The following COL6A5 variants were observed in gnomAD, a reference collection of about 807,000 sequenced individuals.
COL6A5 encodes collagen type VI alpha 5 chain, also known as collagen alpha-5(VI) chain.
A neutral mutation model predicts 65.6 loss-of-function variants in COL6A5; 48 were observed. That is an observed-to-expected ratio of 0.73 (90% CI 0.58 to 0.93). The LOEUF is 0.93. Ranked by LOEUF, COL6A5 falls within the 40% of genes least tolerant of loss-of-function variation. COL6A5 has a pLI of 0.00. For missense variants in COL6A5, 914 were observed against 928.3 expected, an observed-to-expected ratio of 0.98 and a Z score of 0.20; for synonymous variants, 291 against 322.8, an observed-to-expected ratio of 0.90 and a Z score of 1.05.
In COL6A5 at chr3:130,421,369, T is replaced by G. The variant is rs1252206937; in HGVS notation, c.5037+9T>G. 5.8e-6 allele frequency: 9 copies of G among 1,550,522 alleles called. No individual in the cohort carries two copies. Among genetic ancestry groups the G allele is most frequent in the Non-Finnish European group, 7.9e-6 (9 of 1,146,106 alleles). On this transcript the variant is annotated intron_variant and NMD_transcript_variant, in intron 27 of 41. Transcript: ENST00000312481. ...GAGATGCGGGGCAGAAGGTATTGTATGCATGACCTTTTGAAATTACCATGA... is the reference window on the plus strand; with the variant it reads ...GAGATGCGGGGCAGAAGGTATTGTAGGCATGACCTTTTGAAATTACCATGA...
chr3:130,472,215 A>G (rs904407586), intron 7 of COL6A5, among the ~76,000 whole-genome samples: 1 of 152,102 alleles, frequency 6.6e-6, no homozygotes, highest in Admixed American at 6.6e-5. Context: ...AGTAAGCAGG[A>G]GCAGTCCTGC....
chr3:130,375,148 T>C (rs556859582), intron 2 of COL6A5, among the ~76,000 whole-genome samples: 1 of 152,188 alleles, frequency 6.6e-6, no homozygotes, highest in African/African-American at 2.4e-5. Flanking sequence ...ATCTGGCTGA[T>C]GCACCCACCT....
At chr3:130,379,116 G>C (rs1439341689) in intron 3 of COL6A5, among the ~76,000 whole-genome samples, 1 of 152,018 alleles carries the variant, frequency 6.6e-6, no homozygotes, top group Non-Finnish European at 1.5e-5. Flanking sequence ...CAGTGGTGGT[G>C]GTGATCATAC....
chr3:130,406,305 G>A (rs1272269389), exon 17 of COL6A5: 1 of 1,549,972 alleles, frequency 6.5e-7, no homozygotes, highest in African/African-American at 1.4e-5. Context: ...GGAGAAAAAG[G>A]TGATCCAGGA....
rs778905248 is a variant in COL6A5 at position 130,440,444 on chromosome 3, G to A, written c.862G>A (p.Asp288Asn). The change falls in exon 3 of 8, where the codon GAC becomes AAC. Residue 288 changes from aspartate (D) to asparagine (N), a missense_variant. Asp to Asn is a conservative substitution (Grantham distance 23, BLOSUM62 1). Coordinates refer to ENST00000512836, the Ensembl canonical transcript of COL6A5. ...AACAGAGTTTGATTTCATCACTTAT[G>A]ACAACCAACTCCTAATGAAGAATCA... The A allele has an allele frequency of 8.1e-6, 13 of 1,613,646 alleles. No homozygotes were observed. In the South Asian group the frequency reaches 1.4e-4, roughly 18 times the overall value.
intron 3 of COL6A5, among the ~76,000 whole-genome samples, chr3:130,441,031 G>T (rs1268730294): frequency 6.6e-6 from 1 of 151,976 alleles, no homozygotes; most frequent in East Asian, 1.9e-4. Context: ...CTTTTTTTAT[G>T]ATAGTGTGTC....
At chr3:130,483,454 G>A (rs1462628128) in intron 7 of COL6A5, among the ~76,000 whole-genome samples, 1 of 152,148 alleles carries the variant, frequency 6.6e-6, no homozygotes, top group African/African-American at 2.4e-5. Flanking sequence ...AGAAAGTTGG[G>A]CTTTCTTACT....
chr3:130,418,842 T>C lies in COL6A5; in HGVS notation c.4888-27T>C, dbSNP rs996809. ...GGAACCAGGTTTGATTTTACTGATCTGAAGCTCTTCTTGTCCCACTTACTA... is the reference window on the plus strand; with the variant it reads ...GGAACCAGGTTTGATTTTACTGATCCGAAGCTCTTCTTGTCCCACTTACTA... On this transcript the variant is annotated intron_variant and NMD_transcript_variant, in intron 24 of 41. Coordinates refer to the COL6A5 transcript ENST00000312481. 1.3e-3 allele frequency: 2,073 copies of C among 1,541,474 alleles called. 32 individuals are homozygous for C. The African/African-American group carries it at 0.025, about 18-fold the overall frequency.
intron 20 of COL6A5, among the ~76,000 whole-genome samples, chr3:130,413,123 G>T (rs1048070589): frequency 3.3e-5 from 5 of 152,068 alleles, no homozygotes; most frequent in Non-Finnish European, 5.9e-5. Flanking sequence ...CTACCCTCTG[G>T]AAAGGAGATA....
chr3:130,384,036 G>T (rs2107645761), intron 4 of COL6A5, among the ~76,000 whole-genome samples: 1 of 152,176 alleles, frequency 6.6e-6, no homozygotes, highest in South Asian at 2.1e-4. Context: ...ACTGTAAGAA[G>T]ATAGACAATG....
At chr3:130,345,688 T>C (rs560949628) in exon 1 of COL6A5, 3 of 398,630 alleles carry the variant, frequency 7.5e-6, no homozygotes, top group Admixed American at 4.4e-5. Flanking sequence ...ACATTAAAAC[T>C]TGTGAAGAGT....
At chr3:130,470,847 C>T (rs1709933755) in intron 6 of COL6A5, 24 bp from the exon 39 acceptor site, 1 of 1,565,098 alleles carries the variant, frequency 6.4e-7, no homozygotes, top group Middle Eastern at 1.7e-4. Flanking sequence ...AAAATTTAGA[C>T]TAACCAGCCC....
exon 1 of COL6A5, chr3:130,431,594 A>G (rs1266826004): frequency 2.6e-6 from 4 of 1,551,476 alleles, no homozygotes; most frequent in East Asian, 4.9e-5. Context: ...ATCAGGGAAA[A>G]TAACTGTCCT....
rs565436373 is a variant in COL6A5, at chr3:130,479,893, T to G, written c.2329-4142T>G. Among the ~76,000 whole-genome samples, 2 of 152,230 alleles carry G rather than the reference T, an allele frequency of 1.3e-5. 1 individual carries two copies. Among genetic ancestry groups the G allele is most frequent in the Admixed American group, 1.3e-4 (2 of 15,258 alleles). Reference sequence around the variant, plus strand: ...ATTAATAGCCATTTGATAAATTTGATAAAGCACTTTTTAAACAATATTTCC... The same window carrying G: ...ATTAATAGCCATTTGATAAATTTGAGAAAGCACTTTTTAAACAATATTTCC... On this transcript the variant is annotated intron_variant, in intron 7 of 7. Transcript: ENST00000512836.
chr3:130,440,594 T>C, exon 3 of COL6A5: 1 of 1,613,522 alleles, frequency 6.2e-7, no homozygotes, highest in Non-Finnish European at 8.5e-7. Context: ...CTTTGTGGTC[T>C]CAGCTGGAGA....
rs901863500 is a variant in COL6A5 at position 130,436,113 on chromosome 3, A to C, written c.488-3409A>C. 2.6e-5 allele frequency among the ~76,000 whole-genome samples: 4 copies of C among 151,992 alleles called. 1 individual carries two copies. Among genetic ancestry groups the C allele is most frequent in the Non-Finnish European group, 5.9e-5 (4 of 67,980 alleles). On this transcript the variant is annotated intron_variant, in intron 1 of 7. Coordinates refer to ENST00000512836, the Ensembl canonical transcript of COL6A5. ...GTATTAGCAGGTTAAATCTCTATAA[A>C]TCTGATTTTTCTCTGTAGAGTATAT...
chr3:130,364,292 G>C (rs1005811946), intron 1 of COL6A5, among the ~76,000 whole-genome samples: 1 of 151,998 alleles, frequency 6.6e-6, no homozygotes, highest in African/African-American at 2.4e-5. Context: ...TAAAAAATTG[G>C]GATCATACTC....
intron 7 of COL6A5, chr3:130,477,086 A>G: frequency 6.6e-7 from 1 of 1,519,760 alleles, no homozygotes; most frequent in Non-Finnish European, 8.8e-7. Flanking sequence ...CTAAGAATTC[A>G]GTAATTAATC....
intron 7 of COL6A5, among the ~76,000 whole-genome samples, chr3:130,393,304 T>A (rs901812714): frequency 1.6e-4 from 25 of 152,066 alleles, no homozygotes; most frequent in African/African-American, 5.6e-4. Flanking sequence ...CCTGCCTACG[T>A]CTCACTTTTC....
Sources: gnomAD v4.1 joint callset for allele counts (sites outside exome capture counted in the v4.1 genomes callset) on GRCh38, gnomAD v4.1.1 for gene constraint, MANE v1.5 for transcripts, NCBI Gene and HGNC (gene_info 2026-07-23, HGNC 2026-07-21) for gene names.